GALNT13: variants seen among roughly 807,000 people sequenced by gnomAD.
The protein encoded by GALNT13 is polypeptide N-acetylgalactosaminyltransferase 13.
A neutral mutation model predicts 64.2 loss-of-function variants in GALNT13; 28 were observed. The observed-to-expected ratio is 0.44, with a 90% confidence interval of 0.32 to 0.60. The LOEUF is 0.60. GALNT13 is among the 20% of genes least tolerant of loss of function. The probability of loss-of-function intolerance (pLI) is 0.05; values close to 1 mark genes in which losing one functional copy is unlikely to be tolerated. For synonymous variants in GALNT13, 214 were observed against 224.6 expected, an observed-to-expected ratio of 0.95 and a Z score of 0.42; for missense variants, 577 against 669.8, an observed-to-expected ratio of 0.86 and a Z score of 1.53.
chr2:153,368,014 T>A, the GALNT13 span, among the ~76,000 whole-genome samples: 1 of 151,980 alleles, frequency 6.6e-6, no homozygotes, highest in Admixed American at 6.6e-5. Flanking sequence ...GCGTAAAGAT[T>A]GTCAGAGAGA....
intron 9 of GALNT13, among the ~76,000 whole-genome samples, chr2:154,377,294 T>C (rs892523699): frequency 2.0e-5 from 3 of 152,174 alleles, no homozygotes; most frequent in African/African-American, 7.2e-5. Flanking sequence ...ATTGTCTTTT[T>C]TGTGACCAAG....
At chr2:153,679,202 A>G in the GALNT13 span, among the ~76,000 whole-genome samples, 1 of 152,000 alleles carries the variant, frequency 6.6e-6, no homozygotes, top group Non-Finnish European at 1.5e-5. Context: ...AGAAAATACC[A>G]GATACACAGA....
At chr2:154,141,732 T>C (rs1558982293) in intron 4 of GALNT13, among the ~76,000 whole-genome samples, 1 of 152,200 alleles carries the variant, frequency 6.6e-6, no homozygotes, top group Non-Finnish European at 1.5e-5. Flanking sequence ...TCATTGTCTA[T>C]ATGACTCTTT....
the GALNT13 span, among the ~76,000 whole-genome samples, chr2:153,447,932 G>T: frequency 6.6e-6 from 1 of 152,106 alleles, no homozygotes; most frequent in South Asian, 2.1e-4. Flanking sequence ...AAGGGCCATT[G>T]TATTTCTCAT....
chr2:153,958,564 A>G (rs1193112867), intron 3 of GALNT13, among the ~76,000 whole-genome samples: 1 of 152,210 alleles, frequency 6.6e-6, no homozygotes, highest in Admixed American at 6.5e-5. Context: ...GGCCTAAAAC[A>G]TACCCCAGTG....
At chr2:154,422,982 A>T (rs987850814) in intron 11 of GALNT13, among the ~76,000 whole-genome samples, 1 of 152,046 alleles carries the variant, frequency 6.6e-6, no homozygotes, top group Non-Finnish European at 1.5e-5. Context: ...TTATATAAGT[A>T]TGCATGTGCT....
At chr2:154,105,065 C>T (rs1321132135) in intron 3 of GALNT13, among the ~76,000 whole-genome samples, 1 of 152,096 alleles carries the variant, frequency 6.6e-6, no homozygotes, top group Non-Finnish European at 1.5e-5. Context: ...TTACTTCCAC[C>T]TACCCTTTTT....
At chr2:153,930,834 A>G (rs1158835620) in intron 2 of GALNT13, among the ~76,000 whole-genome samples, 2 of 151,936 alleles carry the variant, frequency 1.3e-5, no homozygotes, top group Admixed American at 6.6e-5. Flanking sequence ...TGAACTTTAG[A>G]ATAGTTTTTT....
At chr2:153,525,740 G>A in the GALNT13 span, among the ~76,000 whole-genome samples, 1 of 152,030 alleles carries the variant, frequency 6.6e-6, no homozygotes, top group Admixed American at 6.6e-5. Flanking sequence ...AGCACCAAGT[G>A]GGCCTTTGGG....
chr2:154,342,657 T>C (rs1695837082), intron 9 of GALNT13, among the ~76,000 whole-genome samples: 1 of 152,098 alleles, frequency 6.6e-6, no homozygotes, highest in South Asian at 2.1e-4. Flanking sequence ...TATGACTGTC[T>C]CAACTCTACA....
chr2:153,326,562 T>C, the GALNT13 span, among the ~76,000 whole-genome samples: 1 of 152,208 alleles, frequency 6.6e-6, no homozygotes, highest in Admixed American at 6.5e-5. Context: ...CATTAGTTGA[T>C]GCAGTTTCTT....
intron 4 of GALNT13, among the ~76,000 whole-genome samples, chr2:154,151,596 T>C (rs1382081883): frequency 1.3e-5 from 2 of 152,194 alleles, no homozygotes; most frequent in Admixed American, 6.5e-5. Flanking sequence ...AGGACTTGCT[T>C]TATGAAACTG....
At chr2:153,381,610 AT>A in the GALNT13 span, among the ~76,000 whole-genome samples, 1 of 151,976 alleles carries the variant, frequency 6.6e-6, no homozygotes, top group South Asian at 2.1e-4. Context: ...CTATATTCAT[AT>A]GGAATTTGAA....
At chr2:153,439,162 C>A in the GALNT13 span, among the ~76,000 whole-genome samples, 391 of 152,236 alleles carry the variant, frequency 2.6e-3, 4 homozygotes, top group South Asian at 8.7e-3. Context: ...AATGCTGCTG[C>A]CTGATCGTTC....
At chr2:154,394,974 G>T (rs1227839376) in intron 9 of GALNT13, among the ~76,000 whole-genome samples, 1 of 152,142 alleles carries the variant, frequency 6.6e-6, no homozygotes, top group East Asian at 1.9e-4. Flanking sequence ...TAGTGGCTTG[G>T]TAATGGCATT....
the GALNT13 span, among the ~76,000 whole-genome samples, chr2:153,838,104 A>G: frequency 2.6e-5 from 4 of 151,806 alleles, no homozygotes; most frequent in South Asian, 8.3e-4. Context: ...ATTTTTAACT[A>G]TTTTGCTACT....
the GALNT13 span, among the ~76,000 whole-genome samples, chr2:153,347,527 A>T: frequency 6.6e-6 from 1 of 152,218 alleles, no homozygotes; most frequent in Non-Finnish European, 1.5e-5. Context: ...CGTTTAAAAA[A>T]ACTGAAGTTG....
At position 154,452,905 on chromosome 2, in the gene GALNT13, CAT is replaced by C. The variant is rs1701925437; in HGVS notation, c.*2357_*2358del. ...TCCCTTATTTATGGAGCTAGACTGA[CAT>C]ATTTCAAACCAATCTCTTCTGTGGT... On this transcript the variant is annotated 3_prime_UTR_variant, in exon 13 of 13. Coordinates refer to ENST00000392825, the MANE Select transcript of GALNT13 (RefSeq NM_052917.4). 1.3e-5 allele frequency: 2 copies of C among 152,166 alleles called. No homozygotes were observed. Among genetic ancestry groups the C allele is most frequent in the South Asian group, 4.1e-4 (2 of 4,828 alleles). 9.4% of individuals were successfully genotyped at this position (152,166 alleles called of 1,614,324 possible). A position where few individuals can be genotyped will look rare whatever the true frequency, so the allele number is the denominator to read the frequency against.
chr2:153,276,549 A>G, the GALNT13 span, among the ~76,000 whole-genome samples: 2 of 152,238 alleles, frequency 1.3e-5, no homozygotes, highest in African/African-American at 4.8e-5. Context: ...CCATTTTCAT[A>G]AATAAAATGC....
Sources: gnomAD v4.1 joint callset for allele counts (sites outside exome capture counted in the v4.1 genomes callset) on GRCh38, gnomAD v4.1.1 for gene constraint, MANE v1.5 for transcripts, NCBI Gene and HGNC (gene_info 2026-07-23, HGNC 2026-07-21) for gene names.